The following MAP4K3 variants were observed in gnomAD, a reference collection of about 807,000 sequenced individuals.
MAP4K3 encodes MAPK/ERK kinase kinase kinase 3.
MAP4K3 carries 94 observed loss-of-function variants against 143.5 expected under a neutral mutation model. The observed-to-expected ratio is 0.65, with a 90% CI of 0.55 to 0.78. The LOEUF is 0.78. Ranked by LOEUF, MAP4K3 falls within the 30% of genes least tolerant of loss-of-function variation. The pLI is 0.00. For synonymous variants in MAP4K3, 416 were observed against 347.2 expected, an observed-to-expected ratio of 1.20 and a Z score of -2.20; for missense variants, 1,077 against 1,068.1, an observed-to-expected ratio of 1.01 and a Z score of -0.12.
At chr2:39,264,148 C>G (rs1170585142) in intron 28 of MAP4K3, among the ~76,000 whole-genome samples, 1 of 152,074 alleles carries the variant, frequency 6.6e-6, no homozygotes, top group Non-Finnish European at 1.5e-5. Context: ...TAGACTTTAC[C>G]ATTCCATCTT....
intron 27 of MAP4K3, among the ~76,000 whole-genome samples, chr2:39,266,676 C>A (rs141816639): frequency 1.2e-3 from 182 of 152,152 alleles, no homozygotes; most frequent in African/African-American, 4.2e-3. Flanking sequence ...ATGTGTTTAT[C>A]GTCCCTTTTA....
chr2:39,258,600 C>G lies in MAP4K3; in HGVS notation c.2309-13G>C. The G allele has an allele frequency of 6.3e-7, 1 of 1,598,842 alleles. No homozygotes were observed. The highest frequency in any genetic ancestry group is 8.6e-7 in the Non-Finnish European group (1 of 1,166,730). On this transcript the variant is annotated splice_polypyrimidine_tract_variant and intron_variant, in intron 29 of 33. Transcript: ENST00000263881. ...GTCTGTGGGGTATCTACAATACAAA[C>G]AAATTTTGGTAAACCTACAGAAACT...
intron 3 of MAP4K3, among the ~76,000 whole-genome samples, chr2:39,346,511 G>A (rs966472194): frequency 2.6e-5 from 4 of 152,014 alleles, no homozygotes; most frequent in Non-Finnish European, 5.9e-5. Context: ...AAAATGCTTC[G>A]GCAAAGAAAG....
intron 3 of MAP4K3, among the ~76,000 whole-genome samples, chr2:39,354,056 A>G (rs1200157515): frequency 2.0e-5 from 3 of 152,196 alleles, no homozygotes; most frequent in Non-Finnish European, 4.4e-5. Flanking sequence ...TCATTTTACC[A>G]TACCAAGGGT....
chr2:39,292,881 G>C, intron 17 of MAP4K3, 55 bp from the exon 18 acceptor site: 1 of 1,463,988 alleles, frequency 6.8e-7, no homozygotes, highest in East Asian at 2.3e-5. Context: ...AAAACAGTAA[G>C]AAGAAATTTT....
chr2:39,424,608 T>C (rs779703900), intron 1 of MAP4K3, among the ~76,000 whole-genome samples: 6 of 151,872 alleles, frequency 4.0e-5, no homozygotes, highest in South Asian at 2.1e-4. Context: ...GGTGGGAGGA[T>C]TGCCTGAGCC....
intron 9 of MAP4K3, 55 bp from the exon 10 acceptor site, chr2:39,326,016 T>C: frequency 2.7e-6 from 4 of 1,496,378 alleles, no homozygotes; most frequent in South Asian, 2.4e-5. Context: ...TTTTTATCTA[T>C]TACACAAATT....
Position 39,315,324 on chromosome 2 carries a change from C to A in MAP4K3, c.983G>T (p.Arg328Leu), listed in dbSNP as rs141061013. Residue 328 changes from arginine (R) to leucine (L), a missense_variant, in exon 13 of 34, where the codon CGC (arginine) becomes CTC (leucine). Physicochemically the swap from Arg to Leu is moderately radical, Grantham distance 102 (BLOSUM62 -2). Around this residue, in one of 2 missense-constraint regions of MAP4K3, gnomAD observed 864 missense variants for 801.2 expected, o/e 1.08. Coordinates refer to ENST00000263881, the MANE Select transcript of MAP4K3 (RefSeq NM_003618.4). ...TSRNVREEKT[R>L]SEITFGQVKF... is the part of the protein sequence containing the mutation. The stretch of plus-strand genomic sequence containing the variant: ...TATATACTTACAGGTTATCTCTGAG[C>A]GTGTTTTTTCTTCTCTCACGTTTCT... 3.1e-6 allele frequency: 5 copies of A among 1,606,234 alleles called. No individual in the cohort carries two copies. Among genetic ancestry groups the A allele is most frequent in the Non-Finnish European group, 4.3e-6 (5 of 1,173,458 alleles).
chr2:39,292,704 G>C (rs1336206720), intron 18 of MAP4K3, 69 bp downstream of exon 18: 2 of 1,219,830 alleles, frequency 1.6e-6, no homozygotes, highest in African/African-American at 3.0e-5. Flanking sequence ...TCAATATTAA[G>C]CTGCCAGATT....
At chr2:39,395,143 C>T (rs1225458339) in intron 1 of MAP4K3, among the ~76,000 whole-genome samples, 1 of 152,004 alleles carries the variant, frequency 6.6e-6, no homozygotes, top group Admixed American at 6.6e-5. Flanking sequence ...GCCATTGTTC[C>T]CACTCAAGAA....
At position 39,324,369 on chromosome 2, in the gene MAP4K3, T is replaced by C. The variant is rs1343644402; in HGVS notation, c.918+1149A>G. Among the ~76,000 whole-genome samples, 3 of 151,894 alleles carry C rather than the reference T, an allele frequency of 2.0e-5. No homozygotes were observed. In the East Asian group the frequency reaches 5.8e-4, roughly 29 times the overall value. ...CTGCAGTGAGCTGAGAGCATGCCAT[T>C]GCACTCCAGCCTGGGTAATAGAGTA... On this transcript the variant is annotated intron_variant, in intron 12 of 33. Coordinates refer to ENST00000263881, the MANE Select transcript of MAP4K3 (RefSeq NM_003618.4).
At chr2:39,420,137 A>G (rs144478182) in intron 1 of MAP4K3, among the ~76,000 whole-genome samples, 7 of 152,356 alleles carry the variant, frequency 4.6e-5, no homozygotes, top group African/African-American at 1.2e-4. Flanking sequence ...AAGGAATACA[A>G]GAATCCAAAA....
At chr2:39,435,329 G>C (rs1004249687) in intron 1 of MAP4K3, among the ~76,000 whole-genome samples, 1 of 152,140 alleles carries the variant, frequency 6.6e-6, no homozygotes, top group Non-Finnish European at 1.5e-5. Context: ...TCCTAAACAA[G>C]TCCGATCTCC....
intron 12 of MAP4K3, among the ~76,000 whole-genome samples, chr2:39,323,038 G>A (rs1485144519): frequency 3.3e-5 from 5 of 152,050 alleles, no homozygotes; most frequent in Admixed American, 3.3e-4. Context: ...AGATACATTC[G>A]TATTTTGAGT....
At chr2:39,255,813 G>A (rs1197812780) in intron 31 of MAP4K3, among the ~76,000 whole-genome samples, 3 of 152,196 alleles carry the variant, frequency 2.0e-5, no homozygotes, top group East Asian at 1.9e-4. Context: ...GGCATGAGCC[G>A]CCGCGCCTGG....
intron 2 of MAP4K3, among the ~76,000 whole-genome samples, chr2:39,376,234 C>T (rs888400541): frequency 6.6e-6 from 1 of 152,032 alleles, no homozygotes; most frequent in Non-Finnish European, 1.5e-5. Flanking sequence ...GGCATATACA[C>T]AGAAATACTA....
chr2:39,304,167 G>C (rs76551105), intron 15 of MAP4K3, among the ~76,000 whole-genome samples: 5,186 of 146,674 alleles, frequency 0.035, 129 homozygotes, highest in South Asian at 0.059. Flanking sequence ...TTTTTTTTGA[G>C]AGAGCACTTT....
At chr2:39,320,468 G>A (rs1057214225) in intron 12 of MAP4K3, among the ~76,000 whole-genome samples, 1 of 151,924 alleles carries the variant, frequency 6.6e-6, no homozygotes, top group African/African-American at 2.4e-5. Flanking sequence ...AGGCTAAATG[G>A]GTTAATGATT....
Position 39,315,383 on chromosome 2 carries a change from A to G in MAP4K3, c.924T>C (p.Leu308=), listed in dbSNP as rs1317763666. 5 of 1,609,094 alleles carry G rather than the reference A, an allele frequency of 3.1e-6. No individual in the cohort carries two copies. The highest frequency in any genetic ancestry group is 4.2e-6 in the Non-Finnish European group (5 of 1,177,224). ...HDFDDDDPEP[L]VAVPHRIHST... ...AGTGAATTCTATGTGGTACAGCAACAAGAGGCTAGAAAAGAACAAAATCAA... is the reference window on the plus strand; with the variant it reads ...AGTGAATTCTATGTGGTACAGCAACGAGAGGCTAGAAAAGAACAAAATCAA... The change falls in exon 13 of 34, where the codon CTT becomes CTC. Residue 308 remains leucine, a synonymous_variant. Transcript: ENST00000263881.
Sources: allele counts gnomAD v4.1 joint callset (sites outside exome capture counted in the v4.1 genomes callset), GRCh38; gene constraint gnomAD v4.1.1; regional missense constraint gnomAD v4.1.1; transcripts MANE v1.5; gene names NCBI Gene and HGNC (gene_info 2026-07-23, HGNC 2026-07-21).